TBC1D22A: variants seen among roughly 807,000 people sequenced by gnomAD.
TBC1D22A encodes the protein putative GTPase activator.
Under a neutral mutation model 60.2 loss-of-function variants are expected in TBC1D22A, and 38 were observed. The ratio of observed to expected loss-of-function variants is 0.63; its 90% confidence interval spans 0.49 to 0.83. The LOEUF (loss-of-function observed/expected upper bound fraction) is 0.83. Ranked by LOEUF, TBC1D22A falls within the 40% of genes least tolerant of loss-of-function variation. TBC1D22A has a pLI of 0.00. For synonymous variants in TBC1D22A, 302 were observed against 281.7 expected, an observed-to-expected ratio of 1.07 and a Z score of -0.72; for missense variants, 628 against 701.0, an observed-to-expected ratio of 0.90 and a Z score of 1.18.
At chr22:46,858,037 G>A (rs1012106168) in intron 4 of TBC1D22A, among the ~76,000 whole-genome samples, 16 of 152,146 alleles carry the variant, frequency 1.1e-4, no homozygotes, top group African/African-American at 2.4e-4. Context: ...GTTGAGCATC[G>A]CCAGGAGCTG....
chr22:47,091,635 C>G (rs1158846043), intron 11 of TBC1D22A, among the ~76,000 whole-genome samples: 1 of 152,124 alleles, frequency 6.6e-6, no homozygotes, highest in Non-Finnish European at 1.5e-5. Flanking sequence ...TGAGCTTCTT[C>G]TCAGGTCCTG....
chr22:46,971,630 G>A (rs2074064421), intron 8 of TBC1D22A, among the ~76,000 whole-genome samples: 1 of 152,222 alleles, frequency 6.6e-6, no homozygotes, highest in South Asian at 2.1e-4. Context: ...CCTTCCAGTA[G>A]GAAAGGCGTT....
At chr22:46,987,985 GT>G (rs1246754303) in intron 9 of TBC1D22A, among the ~76,000 whole-genome samples, 2 of 151,818 alleles carry the variant, frequency 1.3e-5, no homozygotes, top group Admixed American at 6.6e-5. Flanking sequence ...ATCCTTTGTT[GT>G]CATTTCAACA....
At chr22:47,088,758 G>A (rs1216286885) in intron 11 of TBC1D22A, among the ~76,000 whole-genome samples, 1 of 152,172 alleles carries the variant, frequency 6.6e-6, no homozygotes, top group Admixed American at 6.5e-5. Flanking sequence ...ACTTGGTGAT[G>A]GATGGTTCTG....
chr22:46,989,289 G>A (rs2074843926), intron 9 of TBC1D22A, among the ~76,000 whole-genome samples: 1 of 152,154 alleles, frequency 6.6e-6, no homozygotes, highest in South Asian at 2.1e-4. Context: ...TGTGTTCACT[G>A]GAGTAACACT....
At chr22:46,970,209 G>T (rs1426470640) in intron 8 of TBC1D22A, among the ~76,000 whole-genome samples, 2 of 152,070 alleles carry the variant, frequency 1.3e-5, no homozygotes, top group Non-Finnish European at 2.9e-5. Context: ...GGGCCTGAGA[G>T]CCGCCCCCTG....
At chr22:46,997,569 T>C in intron 9 of TBC1D22A, 65 bp from the exon 10 acceptor site, 1 of 1,367,762 alleles carries the variant, frequency 7.3e-7, no homozygotes, top group Non-Finnish European at 1.0e-6. Flanking sequence ...CAGCTGCCTT[T>C]TTCCCTTTTG....
intron 4 of TBC1D22A, among the ~76,000 whole-genome samples, chr22:46,817,221 A>T (rs1478270736): frequency 1.3e-5 from 2 of 151,328 alleles, no homozygotes; most frequent in Non-Finnish European, 2.9e-5. Context: ...CCAATTCCCT[A>T]TTCACATTGC....
intron 11 of TBC1D22A, among the ~76,000 whole-genome samples, chr22:47,084,751 T>C (rs2064609669): frequency 6.6e-6 from 1 of 152,200 alleles, no homozygotes; most frequent in South Asian, 2.1e-4. Context: ...TTTATGCTTA[T>C]CTTTATCTAA....
intron 1 of TBC1D22A, among the ~76,000 whole-genome samples, chr22:46,776,307 T>A (rs1005487169): frequency 6.6e-6 from 1 of 152,050 alleles, no homozygotes; most frequent in Non-Finnish European, 1.5e-5. Context: ...GCTGGCTACC[T>A]GAGAACAGAG....
intron 1 of TBC1D22A, among the ~76,000 whole-genome samples, chr22:46,770,613 C>G (rs1307856652): frequency 6.6e-6 from 1 of 152,156 alleles, no homozygotes; most frequent in East Asian, 1.9e-4. Flanking sequence ...CACTGGGTAA[C>G]CTCCACAAAG....
Position 47,144,597 on chromosome 22 carries a change from C to G in TBC1D22A, c.1426-28901C>G, listed in dbSNP as rs946198884. Among the ~76,000 whole-genome samples the G allele has an allele frequency of 4.6e-5, 7 of 152,260 alleles. No individual in the cohort carries two copies. In the East Asian group the frequency reaches 1.3e-3, roughly 29 times the overall value. ...CATGCACTTAGGGCACACTCAGGGG[C>G]TCTCCAGAGTCAGTGCCCACCACCT... On this transcript the variant is annotated intron_variant, in intron 12 of 12. Coordinates refer to ENST00000337137, the MANE Select transcript of TBC1D22A (RefSeq NM_014346.5).
intron 10 of TBC1D22A, among the ~76,000 whole-genome samples, chr22:47,000,382 A>G (rs1283538154): frequency 1.3e-5 from 2 of 152,028 alleles, no homozygotes; most frequent in Admixed American, 6.5e-5. Context: ...GGAGTTGTGA[A>G]AGAATCTCTC....
At chr22:46,939,148 A>G (rs1008696459) in intron 8 of TBC1D22A, among the ~76,000 whole-genome samples, 1 of 152,028 alleles carries the variant, frequency 6.6e-6, no homozygotes, top group African/African-American at 2.4e-5. Context: ...TGTAATAGCA[A>G]TGACAGGAAA....
intron 9 of TBC1D22A, among the ~76,000 whole-genome samples, chr22:46,996,253 C>A (rs1411473412): frequency 6.6e-6 from 1 of 152,204 alleles, no homozygotes; most frequent in Non-Finnish European, 1.5e-5. Context: ...CTTACTGAGG[C>A]CAGTGGCCTG....
chr22:46,930,325 T>G (rs2147886194), intron 8 of TBC1D22A, among the ~76,000 whole-genome samples: 1 of 152,312 alleles, frequency 6.6e-6, no homozygotes, highest in East Asian at 1.9e-4. Flanking sequence ...TGTGTGGTGG[T>G]GGATAGGTTG....
At chr22:46,771,109 T>C (rs1436894542) in intron 1 of TBC1D22A, among the ~76,000 whole-genome samples, 2 of 152,218 alleles carry the variant, frequency 1.3e-5, no homozygotes, top group African/African-American at 2.4e-5. Flanking sequence ...CTCTTACATA[T>C]TCGTCTGATA....
At chr22:47,149,572 G>A (rs2067423028) in intron 12 of TBC1D22A, among the ~76,000 whole-genome samples, 1 of 152,240 alleles carries the variant, frequency 6.6e-6, no homozygotes, top group South Asian at 2.1e-4. Flanking sequence ...GCAGCTTTGT[G>A]AGGACTAGTG....
chr22:46,765,333 A>G (rs2083245304), intron 1 of TBC1D22A, among the ~76,000 whole-genome samples: 1 of 152,234 alleles, frequency 6.6e-6, no homozygotes. Flanking sequence ...GTGATTGGTC[A>G]CTAGCTGCGT....
Sources: allele counts gnomAD v4.1 joint callset (sites outside exome capture counted in the v4.1 genomes callset), GRCh38; gene constraint gnomAD v4.1.1; transcripts MANE v1.5; gene names NCBI Gene and HGNC (gene_info 2026-07-23, HGNC 2026-07-21).